The following KRT38 variants were observed in gnomAD, a reference collection of about 807,000 sequenced individuals.
The protein encoded by KRT38 is keratin 38, also known as keratin, type I cuticular Ha8.
In KRT38, 45 loss-of-function variants were observed where a neutral mutation model predicts 43.1. The observed-to-expected ratio is 1.04, with a 90% CI of 0.82 to 1.34. The LOEUF is 1.34. KRT38 is among the 40% of genes most tolerant of loss of function. KRT38 has a pLI of 0.00. For synonymous variants in KRT38, 258 were observed against 244.0 expected (o/e 1.06, Z -0.53); for missense variants, 627 against 586.2 (o/e 1.07, Z -0.72).
intron 2 of KRT38, 45 bp from the exon 3 acceptor site, chr17:41,439,404 GC>G: frequency 1.3e-6 from 2 of 1,597,146 alleles, no homozygotes; most frequent in Non-Finnish European, 1.7e-6. Flanking sequence ...GCCCCCAAGA[GC>G]CCCTCTCGGC....
At chr17:41,439,008 G>C in intron 3 of KRT38, 150 bp from the exon 4 acceptor site, 3 of 1,252,482 alleles carry the variant, frequency 2.4e-6, no homozygotes, top group Non-Finnish European at 3.3e-6. Flanking sequence ...GCATTCGGGA[G>C]AGCCCACCTG....
In KRT38 at chr17:41,439,185, G is replaced by C. The variant is rs1170441463; in HGVS notation, c.732+18C>G. ...TGCCCAGTGCCCTCCCCAGGAGTTT[G>C]AGCGCCCAGGGCCACACCTGCTCGT... is the stretch of plus-strand genomic sequence containing the variant. On this transcript the variant is annotated intron_variant, in intron 3 of 6. Transcript: ENST00000246646. The C allele has an allele frequency of 6.2e-7, 1 of 1,610,514 alleles. No homozygotes were observed. The highest frequency in any genetic ancestry group is 8.5e-7 in the Non-Finnish European group (1 of 1,178,526).
intron 6 of KRT38, 123 bp downstream of exon 6, chr17:41,437,970 G>A (rs2018745163): frequency 1.9e-5 from 17 of 903,612 alleles, no homozygotes; most frequent in South Asian, 9.6e-5. Context: ...ACAGGGCAAC[G>A]ACTCACTGAA....
In KRT38 at chr17:41,440,413, G is replaced by T. The variant is rs538167922; in HGVS notation, c.492+17C>A. On this transcript the variant is annotated intron_variant, in intron 1 of 6. Coordinates refer to ENST00000246646, the MANE Select transcript of KRT38 (RefSeq NM_006771.4). ...GCCATCTCAGACCCAGCACACCCAA[G>T]CGATCCCACACCTCACCTTCTGTTG... is the stretch of plus-strand genomic sequence containing the variant. 4.3e-6 allele frequency: 7 copies of T among 1,610,214 alleles called. No homozygotes were observed. Among genetic ancestry groups the T allele is most frequent in the Non-Finnish European group, 5.9e-6 (7 of 1,177,054 alleles).
intron 3 of KRT38, 144 bp from the exon 4 acceptor site, chr17:41,439,002 T>G: frequency 1.6e-6 from 2 of 1,273,408 alleles, no homozygotes; most frequent in Non-Finnish European, 2.2e-6. Context: ...CAGAGGGCAT[T>G]CGGGAGAGCC....
chr17:41,438,690 C>CG lies in KRT38; in HGVS notation c.894+6_894+7insC. 1.3e-6 allele frequency: 2 copies of CG among 1,599,352 alleles called. No homozygotes were observed. The highest frequency in any genetic ancestry group is 1.7e-6 in the Non-Finnish European group (2 of 1,172,612). ...GTACCCCCTGGTTCTATACCCCCCC[C>CG]ACTCACCTGGGCTTGGAACCACTGT... On this transcript the variant is annotated splice_region_variant and intron_variant, in intron 4 of 6. Coordinates refer to ENST00000246646, the MANE Select transcript of KRT38 (RefSeq NM_006771.4).
rs751661324 is a variant in KRT38, at chr17:41,439,327, A to C, written c.608T>G (p.Val203Gly). Reference protein sequence around the residue: ...LESERSLRQLVEADKCGTQKL... With the variant: ...LESERSLRQLGEADKCGTQKL... ...CTGTGTCCCACACTTGTCTGCCTCC[A>C]CCAGCTGGCGCAGGGAGCGCTCACT... Residue 203 changes from valine (V) to glycine (G), a missense_variant, in exon 3 of 7, where the codon GTG (valine) becomes GGG (glycine). Coordinates refer to ENST00000246646, the MANE Select transcript of KRT38 (RefSeq NM_006771.4). 6.2e-7 allele frequency: 1 copy of C among 1,614,124 alleles called. No homozygotes were observed. Among genetic ancestry groups the C allele is most frequent in the South Asian group, 1.1e-5 (1 of 91,082 alleles).
chr17:41,440,827 C>T lies in KRT38; in HGVS notation c.95G>A (p.Cys32Tyr), dbSNP rs1337895976. 5 of 1,606,644 alleles carry T rather than the reference C, an allele frequency of 3.1e-6. No homozygotes were observed. The highest frequency in any genetic ancestry group is 4.3e-6 in the Non-Finnish European group (5 of 1,176,456). The change falls in exon 1 of 7, where the codon TGC becomes TAC. Residue 32 changes from cysteine to tyrosine, a missense_variant. Cys to Tyr is a radical substitution (Grantham distance 194). Transcript: ENST00000246646. ...AATGTTGGCCTCTGCCCCAGGCTGGCACCCAATGTCGATGGGAGAGACAGA... is the reference window on the plus strand; with the variant it reads ...AATGTTGGCCTCTGCCCCAGGCTGGTACCCAATGTCGATGGGAGAGACAGA... ...NVSVSPIDIGCQPGAEANIAP... is the reference protein window; with the variant it reads ...NVSVSPIDIGYQPGAEANIAP...
Position 41,439,281 on chromosome 17 carries a change from G to A in KRT38, c.654C>T (p.Thr218=), listed in dbSNP as rs2018768514. 1.2e-6 allele frequency: 2 copies of A among 1,614,104 alleles called. No homozygotes were observed. Among genetic ancestry groups the A allele is most frequent in the South Asian group, 1.1e-5 (1 of 91,088 alleles). The change falls in exon 3 of 7, where the codon ACC becomes ACT. Residue 218 remains threonine, a synonymous_variant. Transcript: ENST00000246646. ...GGGCCTCCAGGTCGGCCTTGGCCAGGGTCGCATCATCCAGGAGCTTCTGTG... is the reference window on the plus strand; with the variant it reads ...GGGCCTCCAGGTCGGCCTTGGCCAGAGTCGCATCATCCAGGAGCTTCTGTG... The part of the protein sequence containing the change: ...CGTQKLLDDA[T]LAKADLEAQQ...
At position 41,440,240 on chromosome 17, in the gene KRT38, G is replaced by C. The variant is rs1443313604; in HGVS notation, c.496C>G (p.Leu166Val). Residue 166 changes from leucine (L) to valine (V), a missense_variant, in exon 2 of 7, where the codon CTG (leucine) becomes GTG (valine). By Grantham distance (32) the Leu-to-Val change is conservative. Coordinates refer to ENST00000246646, the MANE Select transcript of KRT38 (RefSeq NM_006771.4). ...HTIEELQQKI[L>V]CSKAENARLI... ...CTGGCATTCTCGGCCTTGCTGCACA[G>C]GATCTGAGGAGAACAGGAAGACAGT... 4 of 1,614,028 alleles carry C rather than the reference G, an allele frequency of 2.5e-6. No individual in the cohort carries two copies. In the African/African-American group the frequency reaches 5.3e-5, roughly 22 times the overall value.
intron 4 of KRT38, 23 bp from the exon 5 acceptor site, chr17:41,438,639 C>A (rs766958921): frequency 1.2e-6 from 2 of 1,613,618 alleles, no homozygotes; most frequent in African/African-American, 1.3e-5. Context: ...GAGACACGGT[C>A]ACCTCCCTGC....
intron 6 of KRT38, among the ~76,000 whole-genome samples, chr17:41,437,868 G>A (rs2018743756): frequency 6.6e-6 from 1 of 152,128 alleles, no homozygotes; most frequent in Non-Finnish European, 1.5e-5. Flanking sequence ...TCAGTCCATG[G>A]CTACCCCAAG....
chr17:41,437,348 G>T lies in KRT38; in HGVS notation c.*64C>A. On this transcript the variant is annotated 3_prime_UTR_variant, in exon 7 of 7. Coordinates refer to ENST00000246646, the MANE Select transcript of KRT38 (RefSeq NM_006771.4). ...AAGTTAGAAGCCAGATTTTCTAAAG[G>T]TATAACAAGCATCTCTCTTTGGGTA... The T allele has an allele frequency of 1.4e-6, 2 of 1,451,440 alleles. No individual in the cohort carries two copies. Among genetic ancestry groups the T allele is most frequent in the South Asian group, 1.5e-5 (1 of 65,726 alleles). The allele number at this position is 1,451,440 out of a possible 1,614,324, so 89.9% of individuals were successfully genotyped here. A position where few individuals can be genotyped will look rare whatever the true frequency, so the allele number is the denominator to read the frequency against.
Position 41,438,814 on chromosome 17 carries a change from A to G in KRT38, c.777T>C (p.Ile259=), listed in dbSNP as rs772549874. ...CAATGGTGGGCTCAATGTCCAGCTCAATCCGGAGCTTCTCCCCCAGCTGAC... is the reference window on the plus strand; with the variant it reads ...CAATGGTGGGCTCAATGTCCAGCTCGATCCGGAGCTTCTCCCCCAGCTGAC... The part of the protein sequence containing the change: ...LRSQLGEKLR[I]ELDIEPTIDL... Residue 259 remains isoleucine, a synonymous_variant, in exon 4 of 7, where the codon ATT becomes ATC. Coordinates refer to ENST00000246646, the MANE Select transcript of KRT38 (RefSeq NM_006771.4). The G allele has an allele frequency of 3.2e-5, 52 of 1,613,874 alleles. No individual in the cohort carries two copies. The highest frequency in any genetic ancestry group is 7.7e-5 in the South Asian group (7 of 91,058).
rs201553313 is a variant in KRT38 at position 41,440,804 on chromosome 17, T to G, written c.118A>C (p.Ile40Leu). ...IGCQPGAEANIAPMCLLANVA... is the reference protein window; with the variant it reads ...IGCQPGAEANLAPMCLLANVA... ...TTGGCCAAAAGGCACATGGGGGCAA[T>G]GTTGGCCTCTGCCCCAGGCTGGCAC... The change falls in exon 1 of 7, where the codon ATT becomes CTT. Residue 40 changes from isoleucine (I) to leucine (L), a missense_variant. By Grantham distance (5) the Ile-to-Leu change is conservative. Transcript: ENST00000246646. The G allele has an allele frequency of 1.2e-6, 2 of 1,611,696 alleles. No homozygotes were observed. The highest frequency in any genetic ancestry group is 3.3e-5 in the Admixed American group (2 of 59,932).
rs2144416982 is a variant in KRT38 at position 41,437,440 on chromosome 17, C to T, written c.1343G>A (p.Gly448Glu). 2 of 1,569,764 alleles carry T rather than the reference C, an allele frequency of 1.3e-6. No homozygotes were observed. Among genetic ancestry groups the T allele is most frequent in the East Asian group, 2.4e-5 (1 of 40,914 alleles). ...GPCTTCGPTC[G>E]ASTTGSRF ...GAATCGGCTTCCGGTGGTGCTGGCT[C>T]CACAGGTGGGCCCACAGGTGGTGCA... Residue 448 changes from glycine (G) to glutamate (E), a missense_variant, in exon 7 of 7, where the codon GGA becomes GAA. Coordinates refer to ENST00000246646, the MANE Select transcript of KRT38 (RefSeq NM_006771.4).
rs762252040 is a variant in KRT38, at chr17:41,439,332, C to G, written c.603G>C (p.Gln201His). 5.6e-6 allele frequency: 9 copies of G among 1,614,042 alleles called. No homozygotes were observed. The highest frequency in any genetic ancestry group is 6.8e-6 in the Non-Finnish European group (8 of 1,180,042). Reference protein sequence around the residue: ...IKLESERSLRQLVEADKCGTQ... With the variant: ...IKLESERSLRHLVEADKCGTQ... Reference sequence around the variant, plus strand: ...TCCCACACTTGTCTGCCTCCACCAGCTGGCGCAGGGAGCGCTCACTCTCCA... The same window carrying G: ...TCCCACACTTGTCTGCCTCCACCAGGTGGCGCAGGGAGCGCTCACTCTCCA... Residue 201 changes from glutamine to histidine, a missense_variant, in exon 3 of 7, where the codon CAG becomes CAC. Transcript: ENST00000246646.
Position 41,440,872 on chromosome 17 carries a change from G to A in KRT38, c.50C>T (p.Ala17Val). Residue 17 changes from alanine (A) to valine (V), a missense_variant, in exon 1 of 7, where the codon GCT becomes GTT. Transcript: ENST00000246646. ...SSSCPLGCTM[A>V]PGARNVSVSP... Reference sequence around the variant, plus strand: ...GACAGAGACATTTCTTGCTCCAGGAGCCATGGTGCAACCCAGAGGGCATGA... The same window carrying A: ...GACAGAGACATTTCTTGCTCCAGGAACCATGGTGCAACCCAGAGGGCATGA... The A allele has an allele frequency of 6.3e-7, 1 of 1,576,746 alleles. No homozygotes were observed. Among genetic ancestry groups the A allele is most frequent in the Non-Finnish European group, 8.6e-7 (1 of 1,161,982 alleles).
Position 41,440,425 on chromosome 17 carries a change from C to T in KRT38, c.492+5G>A. On this transcript the variant is annotated splice_donor_5th_base_variant and intron_variant, in intron 1 of 6. Transcript: ENST00000246646. Reference sequence around the variant, plus strand: ...CCAGCACACCCAAGCGATCCCACACCTCACCTTCTGTTGGAGCTCCTCGAT... The same window carrying T: ...CCAGCACACCCAAGCGATCCCACACTTCACCTTCTGTTGGAGCTCCTCGAT... The T allele has an allele frequency of 1.9e-6, 3 of 1,612,488 alleles. No individual in the cohort carries two copies. The highest frequency in any genetic ancestry group is 1.3e-5 in the African/African-American group (1 of 75,040).
Sources: allele counts gnomAD v4.1 joint callset (sites outside exome capture counted in the v4.1 genomes callset), GRCh38; gene constraint gnomAD v4.1.1; transcripts MANE v1.5; gene names NCBI Gene and HGNC (gene_info 2026-07-23, HGNC 2026-07-21).